The following GALM variants were observed in gnomAD, a reference collection of about 807,000 sequenced individuals.
The protein encoded by GALM is galactose mutarotase.
Under a neutral mutation model 37.4 loss-of-function variants are expected in GALM, and 43 were observed. That is an observed-to-expected ratio of 1.15 (90% CI 0.90 to 1.48). GALM has a LOEUF of 1.48. GALM is among the 40% of genes most tolerant of loss of function. GALM has a pLI of 0.00. For missense variants in GALM, 456 were observed against 419.1 expected, an observed-to-expected ratio of 1.09 and a Z score of -0.77; for synonymous variants, 199 against 170.6, an observed-to-expected ratio of 1.17 and a Z score of -1.30.
chr2:38,727,837 T>C (rs903499956), intron 4 of GALM, among the ~76,000 whole-genome samples: 3 of 152,224 alleles, frequency 2.0e-5, no homozygotes, highest in African/African-American at 7.2e-5. Context: ...CCAAATGTTT[T>C]AAATGACTGG....
At chr2:38,732,064 A>C (rs148045171) in intron 6 of GALM, among the ~76,000 whole-genome samples, 155 bp downstream of exon 6, 1 of 152,182 alleles carries the variant, frequency 6.6e-6, no homozygotes, top group Non-Finnish European at 1.5e-5. Flanking sequence ...CTTGTCGCCT[A>C]GGCTGTAGTG....
chr2:38,703,101 T>C (rs1665963447), intron 4 of GALM, among the ~76,000 whole-genome samples: 1 of 51,806 alleles, frequency 1.9e-5, no homozygotes, highest in Non-Finnish European at 3.6e-5. Flanking sequence ...TATTTTTTTT[T>C]TTTTTTTTTT....
At chr2:38,714,915 A>AGG (rs1666240089) in intron 4 of GALM, among the ~76,000 whole-genome samples, 1 of 152,092 alleles carries the variant, frequency 6.6e-6, no homozygotes, top group Non-Finnish European at 1.5e-5. Context: ...TTCTTTGTTG[A>AGG]TTTTCTGTCT....
intron 1 of GALM, among the ~76,000 whole-genome samples, chr2:38,674,288 C>G (rs909757451): frequency 6.6e-6 from 1 of 150,614 alleles, no homozygotes; most frequent in Non-Finnish European, 1.5e-5. Context: ...CTCCTGGGTT[C>G]AAGCGATTCT....
At chr2:38,706,989 T>G (rs1666046673) in intron 4 of GALM, among the ~76,000 whole-genome samples, 1 of 151,436 alleles carries the variant, frequency 6.6e-6, no homozygotes, top group Non-Finnish European at 1.5e-5. Context: ...TCAGGAGGCC[T>G]GAATTGAATG....
chr2:38,717,498 C>G (rs996739077), intron 4 of GALM, among the ~76,000 whole-genome samples: 2 of 151,096 alleles, frequency 1.3e-5, no homozygotes, highest in African/African-American at 4.9e-5. Flanking sequence ...CTCCTGGATT[C>G]AAGCAATTCT....
chr2:38,720,378 T>A (rs1666352158), intron 4 of GALM, among the ~76,000 whole-genome samples: 1 of 147,324 alleles, frequency 6.8e-6, no homozygotes. Context: ...AGGATTAATG[T>A]TCTTAAGGTA....
chr2:38,683,668 G>A (rs899781500), intron 3 of GALM, among the ~76,000 whole-genome samples: 4 of 152,002 alleles, frequency 2.6e-5, no homozygotes, highest in Non-Finnish European at 5.9e-5. Flanking sequence ...CTGGGTTCAA[G>A]CAATTCTCCT....
chr2:38,681,296 G>T lies in GALM; in HGVS notation c.362G>T (p.Arg121Leu), dbSNP rs372070636. 1 of 1,613,280 alleles carries T rather than the reference G, an allele frequency of 6.2e-7. No homozygotes were observed. The highest frequency in any genetic ancestry group is 8.5e-7 in the Non-Finnish European group (1 of 1,179,972). The part of the protein sequence containing the change: ...RGFDKVLWTP[R>L]VLSNGVQFSR... ...TTTTTCCAGGTGCTCTGGACCCCTC[G>T]GGTGCTGTCAAATGGCGTCCAGTTC... The change falls in exon 3 of 7, where the codon CGG becomes CTG. Residue 121 changes from arginine (R) to leucine (L), a missense_variant. Transcript: ENST00000272252.
At chr2:38,724,388 T>C (rs867546969) in intron 4 of GALM, among the ~76,000 whole-genome samples, 19 of 152,220 alleles carry the variant, frequency 1.2e-4, no homozygotes, top group African/African-American at 4.6e-4. Flanking sequence ...GAGGTTAGAA[T>C]ATTTCACAAG....
At position 38,693,347 on chromosome 2, in the gene GALM, A is replaced by G. The variant is rs993384028; in HGVS notation, c.634+3453A>G. Among the ~76,000 whole-genome samples the G allele has an allele frequency of 2.2e-4, 33 of 152,060 alleles. 2 individuals carry two copies. The highest frequency in any genetic ancestry group is 1.8e-3 in the Admixed American group (27 of 15,236). Reference sequence around the variant, plus strand: ...AAAATTCAAAAATTAGCTGGGTGTGATGGTAGGCGCCTGTAATCCCAGTTA... The same window carrying G: ...AAAATTCAAAAATTAGCTGGGTGTGGTGGTAGGCGCCTGTAATCCCAGTTA... On this transcript the variant is annotated intron_variant, in intron 4 of 6. Coordinates refer to ENST00000272252, the MANE Select transcript of GALM (RefSeq NM_138801.3).
rs776913901 is a variant in GALM at position 38,731,845 on chromosome 2, C to G, written c.887C>G (p.Ala296Gly). 2 of 1,614,084 alleles carry G rather than the reference C, an allele frequency of 1.2e-6. No homozygotes were observed. The highest frequency in any genetic ancestry group is 1.7e-6 in the Non-Finnish European group (2 of 1,179,974). Reference sequence around the variant, plus strand: ...GGCACATTAAAGGGCAAGAATGGAGCTGTCTATCCCAAGCACTCCGGTTTC... The same window carrying G: ...GGCACATTAAAGGGCAAGAATGGAGGTGTCTATCCCAAGCACTCCGGTTTC... ...LDGTLKGKNG[A>G]VYPKHSGFCL... Residue 296 changes from alanine to glycine, a missense_variant, in exon 6 of 7, where the codon GCT becomes GGT. Ala to Gly is a moderately conservative substitution (Grantham distance 60, BLOSUM62 0). Transcript: ENST00000272252.
Position 38,733,251 on chromosome 2 carries a change from A to G in GALM, c.952-237A>G, listed in dbSNP as rs553164900. The stretch of plus-strand genomic sequence containing the variant: ...AAAAAAAAAAAAGCCTACACCTTAC[A>G]CCAGATTATAGATCAACACACTGCT... On this transcript the variant is annotated intron_variant, in intron 6 of 6. Transcript: ENST00000272252. Among the ~76,000 whole-genome samples the G allele has an allele frequency of 2.0e-5, 3 of 149,488 alleles. No individual in the cohort carries two copies. In the East Asian group the frequency reaches 5.9e-4, roughly 29 times the overall value.
intron 6 of GALM, among the ~76,000 whole-genome samples, 188 bp from the exon 7 acceptor site, chr2:38,733,300 T>C (rs1666643742): frequency 1.3e-5 from 2 of 152,116 alleles, no homozygotes; most frequent in African/African-American, 4.8e-5. Context: ...AAAGCCTTCC[T>C]TTAACAAAGT....
chr2:38,721,439 T>G (rs575326426), intron 4 of GALM, among the ~76,000 whole-genome samples: 1 of 152,330 alleles, frequency 6.6e-6, no homozygotes, highest in African/African-American at 2.4e-5. Flanking sequence ...CACCTCTTCC[T>G]GGCTTACTGT....
intron 1 of GALM, among the ~76,000 whole-genome samples, chr2:38,671,149 A>G (rs1665089371): frequency 6.6e-6 from 1 of 152,184 alleles, no homozygotes; most frequent in Non-Finnish European, 1.5e-5. Flanking sequence ...TCATGGCTTG[A>G]CCTAGGAACT....
chr2:38,702,757 G>C (rs1665944437), intron 4 of GALM, among the ~76,000 whole-genome samples: 2 of 151,556 alleles, frequency 1.3e-5, no homozygotes, highest in South Asian at 2.1e-4. Flanking sequence ...GTTGAAGCTA[G>C]AAAACTAATC....
chr2:38,682,695 G>C (rs1665425005), intron 3 of GALM, among the ~76,000 whole-genome samples: 1 of 152,078 alleles, frequency 6.6e-6, no homozygotes, highest in Admixed American at 6.6e-5. Context: ...TTAGGAGTTT[G>C]AGACCAGCCT....
At chr2:38,722,358 C>A (rs1265110280) in intron 4 of GALM, among the ~76,000 whole-genome samples, 1 of 152,100 alleles carries the variant, frequency 6.6e-6, no homozygotes, top group Non-Finnish European at 1.5e-5. Flanking sequence ...TTTATGAAAA[C>A]AACCTCTAGT....
Sources: gnomAD v4.1 joint callset for allele counts (sites outside exome capture counted in the v4.1 genomes callset) on GRCh38, gnomAD v4.1.1 for gene constraint, MANE v1.5 for transcripts, NCBI Gene and HGNC (gene_info 2026-07-23, HGNC 2026-07-21) for gene names.